Variants in DOCK2 observed in about 807,000 individuals in gnomAD.
DOCK2 encodes the protein dedicator of cytokinesis protein 2.
DOCK2 carries 87 observed loss-of-function variants against 248.9 expected under a neutral mutation model. The ratio of observed to expected loss-of-function variants is 0.35; its 90% CI spans 0.29 to 0.42. DOCK2 has a LOEUF of 0.42. Among genes scored for constraint, DOCK2 ranks in the 10% least tolerant of loss-of-function variants. The pLI is 1.00. For synonymous variants in DOCK2, 805 were observed against 821.6 expected (o/e 0.98, Z 0.35); for missense variants, 1,747 against 2,300.2 (o/e 0.76, Z 4.92).
At chr5:170,059,788 T>C (rs1391418136) in intron 44 of DOCK2, among the ~76,000 whole-genome samples, 1 of 152,220 alleles carries the variant, frequency 6.6e-6, no homozygotes, top group Admixed American at 6.5e-5. Flanking sequence ...TCTAAACCGG[T>C]TACCTTATTT....
intron 26 of DOCK2, among the ~76,000 whole-genome samples, chr5:169,804,052 G>A (rs1461292312): frequency 2.0e-5 from 3 of 152,126 alleles, no homozygotes; most frequent in Non-Finnish European, 4.4e-5. Context: ...TTTTTTCTAA[G>A]CATTTGTGTG....
At chr5:170,011,043 C>A (rs1418425312) in intron 32 of DOCK2, among the ~76,000 whole-genome samples, 2 of 152,030 alleles carry the variant, frequency 1.3e-5, no homozygotes, top group Admixed American at 6.5e-5. Context: ...CTGGAAGGGC[C>A]CTTCAAAGAT....
Position 170,035,780 on chromosome 5 carries a change from A to T in DOCK2, c.3625-735A>T, listed in dbSNP as rs567234996. Among the ~76,000 whole-genome samples the T allele has an allele frequency of 8.5e-5, 13 of 152,294 alleles. No individual in the cohort carries two copies. The South Asian group carries it at 2.7e-3, about 32-fold the overall frequency. Reference sequence around the variant, plus strand: ...ACCCATTGACTGTGTGCTCTGGAACATGTCACCACCCTTCTCTGACCCTCA... The same window carrying T: ...ACCCATTGACTGTGTGCTCTGGAACTTGTCACCACCCTTCTCTGACCCTCA... On this transcript the variant is annotated intron_variant, in intron 35 of 51. Transcript: ENST00000520908.
At chr5:169,855,993 GGAGA>G (rs909879973) in intron 27 of DOCK2, among the ~76,000 whole-genome samples, 2 of 152,142 alleles carry the variant, frequency 1.3e-5, no homozygotes, top group Non-Finnish European at 2.9e-5. Context: ...CATGGCAGCA[GGAGA>G]GAGAGAGCAG....
intron 25 of DOCK2, among the ~76,000 whole-genome samples, chr5:169,778,931 T>C (rs1187094756): frequency 1.3e-5 from 2 of 152,186 alleles, no homozygotes; most frequent in Non-Finnish European, 2.9e-5. Flanking sequence ...TAAAGAAGTA[T>C]GTGGTATTCG....
chr5:169,901,445 G>T (rs1248427538), intron 27 of DOCK2, among the ~76,000 whole-genome samples: 1 of 152,100 alleles, frequency 6.6e-6, no homozygotes, highest in Non-Finnish European at 1.5e-5. Context: ...GCATGCATGC[G>T]TGCATGTGTG....
intron 27 of DOCK2, among the ~76,000 whole-genome samples, chr5:169,973,868 A>G (rs530644075): frequency 2.2e-4 from 33 of 152,248 alleles, no homozygotes; most frequent in Admixed American, 9.1e-4. Context: ...ACATCCATCT[A>G]TTCATTCATT....
chr5:169,687,419 T>C (rs1325248816), intron 8 of DOCK2, among the ~76,000 whole-genome samples: 1 of 152,140 alleles, frequency 6.6e-6, no homozygotes, highest in African/African-American at 2.4e-5. Flanking sequence ...CTCAGTCTGC[T>C]CTCATTAACC....
At position 170,031,337 on chromosome 5, in the gene DOCK2, G is replaced by A. The variant is rs115131295; in HGVS notation, c.3468-3062G>A. On this transcript the variant is annotated intron_variant, in intron 34 of 51. Transcript: ENST00000520908. Reference sequence around the variant, plus strand: ...GTTTCATTAGCACTGACAGAGAGGGGGAGTCTGGGATCCTCCCTCTAAAAG... The same window carrying A: ...GTTTCATTAGCACTGACAGAGAGGGAGAGTCTGGGATCCTCCCTCTAAAAG... Among the ~76,000 whole-genome samples, 1,422 of 152,228 alleles carry A rather than the reference G, an allele frequency of 9.3e-3. 16 individuals are homozygous for A. The highest frequency in any genetic ancestry group is 0.014 in the Non-Finnish European group (964 of 68,016).
chr5:170,057,402 A>C, intron 43 of DOCK2, 178 bp from the exon 44 acceptor site: 9 of 646,012 alleles, frequency 1.4e-5, no homozygotes, highest in South Asian at 1.7e-5. Context: ...AATGTTGGGA[A>C]AGAATTCTTA....
intron 27 of DOCK2, among the ~76,000 whole-genome samples, chr5:169,957,632 G>A (rs1413860563): frequency 2.0e-5 from 3 of 152,150 alleles, no homozygotes; most frequent in African/African-American, 7.2e-5. Context: ...TCCTGGTAAT[G>A]AGACACTAGA....
At chr5:170,008,292 C>A (rs371019553) in intron 30 of DOCK2, among the ~76,000 whole-genome samples, 1 of 151,904 alleles carries the variant, frequency 6.6e-6, no homozygotes, top group Admixed American at 6.6e-5. Flanking sequence ...GACGTGGTAG[C>A]GCCTAGAGAA....
intron 2 of DOCK2, among the ~76,000 whole-genome samples, chr5:169,663,807 G>C (rs753212712): frequency 6.6e-6 from 1 of 152,222 alleles, no homozygotes; most frequent in Non-Finnish European, 1.5e-5. Flanking sequence ...CTCTGGGCCT[G>C]TGATTGGAGG....
intron 23 of DOCK2, among the ~76,000 whole-genome samples, chr5:169,755,323 G>A (rs1764135722): frequency 6.6e-6 from 1 of 152,110 alleles, no homozygotes; most frequent in African/African-American, 2.4e-5. Flanking sequence ...GTATGTTTAT[G>A]TGTATAGGTA....
chr5:169,648,300 G>A (rs1757588080), intron 1 of DOCK2, among the ~76,000 whole-genome samples: 1 of 152,070 alleles, frequency 6.6e-6, no homozygotes. Context: ...CCCTCCCCCA[G>A]GTTGGGACAA....
chr5:169,641,350 A>G (rs757873588), intron 1 of DOCK2, among the ~76,000 whole-genome samples: 1 of 152,228 alleles, frequency 6.6e-6, no homozygotes, highest in Non-Finnish European at 1.5e-5. Flanking sequence ...GTTGGGGAAT[A>G]TGGAGGAATC....
intron 9 of DOCK2, among the ~76,000 whole-genome samples, chr5:169,692,379 C>A (rs1465521793): frequency 1.3e-5 from 2 of 152,166 alleles, no homozygotes; most frequent in Admixed American, 6.5e-5. Context: ...AAGGCCGAAG[C>A]AGAAATGACT....
intron 27 of DOCK2, among the ~76,000 whole-genome samples, chr5:169,911,473 G>A (rs1392916685): frequency 1.3e-5 from 2 of 152,196 alleles, no homozygotes; most frequent in Non-Finnish European, 2.9e-5. Context: ...GACTGGGGAT[G>A]TTTAATGTGG....
chr5:169,867,435 G>A (rs261026), intron 27 of DOCK2, among the ~76,000 whole-genome samples: 50,972 of 118,512 alleles, frequency 0.43, 12,229 homozygotes, highest in African/African-American at 0.72. Context: ...CTGTCTGTCT[G>A]TCTATCTATC....
Sources: gnomAD v4.1 joint callset for allele counts (sites outside exome capture counted in the v4.1 genomes callset) on GRCh38, gnomAD v4.1.1 for gene constraint, MANE v1.5 for transcripts, NCBI Gene and HGNC (gene_info 2026-07-23, HGNC 2026-07-21) for gene names.